MGAT4C: variants seen among roughly 807,000 people sequenced by gnomAD.
MGAT4C encodes alpha-1,3-mannosyl-glycoprotein 4-beta-N-acetylglucosaminyltransferase C.
Under a neutral mutation model 40.1 loss-of-function variants are expected in MGAT4C, and 19 were observed. That is an observed-to-expected ratio of 0.47 (90% CI 0.33 to 0.70). The LOEUF is 0.70. Ranked by LOEUF, MGAT4C falls within the 30% of genes least tolerant of loss-of-function variation. MGAT4C has a pLI of 0.02. For missense variants in MGAT4C, 491 were observed against 563.2 expected (o/e 0.87, Z 1.30); for synonymous variants, 181 against 187.1 (o/e 0.97, Z 0.27).
At position 86,581,420 on chromosome 12, in the gene MGAT4C, T is replaced by G. The variant is rs145985015; in HGVS notation, c.-229+145789A>C. On this transcript the variant is annotated intron_variant, in intron 2 of 7. Coordinates refer to the MGAT4C transcript ENST00000548651. Reference sequence around the variant, plus strand: ...GACCTTCAAGTGATTTGTAAGCATTTGCATTCCCATATTAAATGCTTGCTG... The same window carrying G: ...GACCTTCAAGTGATTTGTAAGCATTGGCATTCCCATATTAAATGCTTGCTG... Among the ~76,000 whole-genome samples, 8 of 151,566 alleles carry G rather than the reference T, an allele frequency of 5.3e-5. No homozygotes were observed. In the East Asian group the frequency reaches 1.6e-3, roughly 29 times the overall value.
At chr12:86,070,594 G>C (rs934263086) in intron 1 of MGAT4C, among the ~76,000 whole-genome samples, 5 of 151,974 alleles carry the variant, frequency 3.3e-5, no homozygotes, top group African/African-American at 1.2e-4. Context: ...TTGTACAGGT[G>C]GCAGCAGTTT....
chr12:86,160,969 C>T (rs1459553340), intron 1 of MGAT4C, among the ~76,000 whole-genome samples: 2 of 151,916 alleles, frequency 1.3e-5, no homozygotes, highest in African/African-American at 2.4e-5. Context: ...GGTGTCATTA[C>T]ATGTGAGATG....
At chr12:86,274,733 G>A (rs1227668550) in intron 4 of MGAT4C, among the ~76,000 whole-genome samples, 1 of 152,152 alleles carries the variant, frequency 6.6e-6, no homozygotes, top group Non-Finnish European at 1.5e-5. Flanking sequence ...TACCCAGATT[G>A]GCTGGAGTCA....
At chr12:86,691,960 T>G (rs1950180739) in intron 2 of MGAT4C, among the ~76,000 whole-genome samples, 1 of 152,174 alleles carries the variant, frequency 6.6e-6, no homozygotes, top group African/African-American at 2.4e-5. Flanking sequence ...TAAGAACTGA[T>G]AAATATAATT....
chr12:86,641,416 G>T (rs1963383351), intron 2 of MGAT4C, among the ~76,000 whole-genome samples: 3 of 151,736 alleles, frequency 2.0e-5, no homozygotes, highest in Admixed American at 1.3e-4. Flanking sequence ...TATACCTAAT[G>T]CTAAATGACC....
At chr12:86,698,825 G>C (rs183723898) in intron 2 of MGAT4C, among the ~76,000 whole-genome samples, 8 of 152,202 alleles carry the variant, frequency 5.3e-5, no homozygotes, top group Non-Finnish European at 7.4e-5. Flanking sequence ...AACTCTAACA[G>C]ATTGCAGTCC....
At chr12:86,371,823 T>G (rs1371691955) in intron 3 of MGAT4C, among the ~76,000 whole-genome samples, 1 of 151,878 alleles carries the variant, frequency 6.6e-6, no homozygotes, top group Non-Finnish European at 1.5e-5. Context: ...CATTTTAAAG[T>G]AAATTAAATA....
intron 3 of MGAT4C, among the ~76,000 whole-genome samples, chr12:86,402,224 C>T (rs1956378878): frequency 6.6e-6 from 1 of 151,842 alleles, no homozygotes; most frequent in African/African-American, 2.4e-5. Context: ...GCAGGCGGAT[C>T]CCTTGAGGTC....
chr12:86,725,510 G>A (rs1950807288), intron 2 of MGAT4C, among the ~76,000 whole-genome samples: 3 of 152,034 alleles, frequency 2.0e-5, no homozygotes, highest in South Asian at 4.2e-4. Context: ...ACCCAGGCAG[G>A]GAGTATAGTG....
At chr12:86,566,369 G>GCC (rs1960101665) in intron 2 of MGAT4C, among the ~76,000 whole-genome samples, 1 of 151,126 alleles carries the variant, frequency 6.6e-6, no homozygotes, top group Non-Finnish European at 1.5e-5. Context: ...TGGCCTCCCA[G>GCC]CCTACATCTT....
rs565772092 is a variant in MGAT4C, at chr12:86,673,019, A to G, written c.-229+54190T>C. Reference sequence around the variant, plus strand: ...TATCTAAAAGACACATAGATGTAATATATATCTAAATATAGCAACATGTCT... The same window carrying G: ...TATCTAAAAGACACATAGATGTAATGTATATCTAAATATAGCAACATGTCT... On this transcript the variant is annotated intron_variant, in intron 2 of 7. Transcript: ENST00000548651. Among the ~76,000 whole-genome samples, 3 of 152,308 alleles carry G rather than the reference A, an allele frequency of 2.0e-5. No individual in the cohort carries two copies. In the South Asian group the frequency reaches 6.2e-4, roughly 32 times the overall value.
At chr12:86,743,056 ATGTG>A (rs747084367) in intron 1 of MGAT4C, among the ~76,000 whole-genome samples, 1 of 144,292 alleles carries the variant, frequency 6.9e-6, no homozygotes, top group Non-Finnish European at 1.5e-5. Context: ...GCATGTGTGT[ATGTG>A]TATGTGTGTA....
intron 3 of MGAT4C, among the ~76,000 whole-genome samples, chr12:86,417,364 T>C (rs1397890343): frequency 2.0e-5 from 3 of 152,152 alleles, no homozygotes; most frequent in African/African-American, 7.2e-5. Flanking sequence ...GGCTAAAGTA[T>C]ACCTTGTTAA....
At chr12:86,669,504 GT>G (rs1007217519) in intron 2 of MGAT4C, among the ~76,000 whole-genome samples, 2 of 152,160 alleles carry the variant, frequency 1.3e-5, no homozygotes, top group African/African-American at 2.4e-5. Flanking sequence ...CTGGATTAGG[GT>G]TTTAGGCTGT....
chr12:86,191,668 CACACA>C (rs1566119158), intron 1 of MGAT4C, among the ~76,000 whole-genome samples: 28 of 139,800 alleles, frequency 2.0e-4, no homozygotes, highest in African/African-American at 8.2e-4. Context: ...CACACACACA[CACACA>C]CCCTTATCTC....
chr12:86,509,062 T>G (rs1175365379), intron 2 of MGAT4C, among the ~76,000 whole-genome samples: 1 of 152,004 alleles, frequency 6.6e-6, no homozygotes, highest in African/African-American at 2.4e-5. Flanking sequence ...CTCTTTAGTT[T>G]AATTAGATCC....
intron 2 of MGAT4C, among the ~76,000 whole-genome samples, chr12:86,033,151 C>T (rs1890914721): frequency 1.5e-5 from 2 of 133,618 alleles, no homozygotes; most frequent in Non-Finnish European, 1.7e-5. Flanking sequence ...AACCATGCTG[C>T]TTTGGTTGCT....
rs73387125 is a variant in MGAT4C at position 86,134,352 on chromosome 12, A to G, written c.-56-84629T>C. Reference sequence around the variant, plus strand: ...TATATTCACTTCAAAATTTTAGCTAATATAGATTTCAAGTTCTTGTTTCTT... The same window carrying G: ...TATATTCACTTCAAAATTTTAGCTAGTATAGATTTCAAGTTCTTGTTTCTT... On this transcript the variant is annotated intron_variant, in intron 1 of 4. Coordinates refer to ENST00000611864, the MANE Select transcript of MGAT4C (RefSeq NM_001351288.2). Among the ~76,000 whole-genome samples the G allele has an allele frequency of 1.3e-3, 195 of 152,238 alleles. 1 individual carries two copies. Among genetic ancestry groups the G allele is most frequent in the African/African-American group, 4.6e-3 (190 of 41,560 alleles).
intron 1 of MGAT4C, among the ~76,000 whole-genome samples, chr12:86,171,772 C>G (rs2135833418): frequency 6.6e-6 from 1 of 152,236 alleles, no homozygotes; most frequent in South Asian, 2.1e-4. Flanking sequence ...GATTTGCAAC[C>G]CCAGTCACAT....
Sources: gnomAD v4.1 joint callset for allele counts (sites outside exome capture counted in the v4.1 genomes callset) on GRCh38, gnomAD v4.1.1 for gene constraint, MANE v1.5 for transcripts, NCBI Gene and HGNC (gene_info 2026-07-23, HGNC 2026-07-21) for gene names.